The following CAPSL variants were observed in gnomAD, a reference collection of about 807,000 sequenced individuals.
CAPSL encodes the protein calcyphosine like, also known as calcyphosin-like protein.
CAPSL carries 17 observed loss-of-function variants against 21.3 expected under a neutral mutation model. The ratio of observed to expected loss-of-function variants is 0.80; its 90% CI spans 0.55 to 1.20. The LOEUF (loss-of-function observed/expected upper bound fraction) is 1.20. Ranked by LOEUF, CAPSL falls within the 50% of genes most tolerant of loss-of-function variation. The probability of loss-of-function intolerance (pLI) is 0.00; values close to 1 mark genes in which losing one functional copy is unlikely to be tolerated. For missense variants in CAPSL, 289 were observed against 259.3 expected (o/e 1.11, Z -0.79); for synonymous variants, 102 against 89.3 (o/e 1.14, Z -0.80).
chr5:35,925,373 G>A (rs541429232), intron 1 of CAPSL, among the ~76,000 whole-genome samples: 106 of 152,340 alleles, frequency 7.0e-4, no homozygotes, highest in Non-Finnish European at 1.3e-3. Context: ...GGCTGGGGAC[G>A]TGGGGATAGA....
intron 2 of CAPSL, among the ~76,000 whole-genome samples, chr5:35,913,866 C>T (rs1738298448): frequency 6.6e-6 from 1 of 152,118 alleles, no homozygotes; most frequent in Non-Finnish European, 1.5e-5. Flanking sequence ...CAATATTAAC[C>T]TGAAATGTAA....
Position 35,904,427 on chromosome 5 carries a change from G to A in CAPSL, c.*118C>T. On this transcript the variant is annotated 3_prime_UTR_variant, in exon 5 of 5. Coordinates refer to ENST00000651391, the MANE Select transcript of CAPSL (RefSeq NM_001042625.2). ...TTGGCCCCAGAAAATGCAATATTTTGACACAGAAAAAAACATTAGGATGAG... is the reference window on the plus strand; with the variant it reads ...TTGGCCCCAGAAAATGCAATATTTTAACACAGAAAAAAACATTAGGATGAG... 1.3e-6 allele frequency: 1 copy of A among 774,360 alleles called. No individual in the cohort carries two copies. Among genetic ancestry groups the A allele is most frequent in the Non-Finnish European group, 2.1e-6 (1 of 474,696 alleles). The allele number at this position is 774,360 out of a possible 1,614,324, so 48.0% of individuals were successfully genotyped here.
chr5:35,906,879 C>T (rs860416), intron 4 of CAPSL, among the ~76,000 whole-genome samples: 24,165 of 152,062 alleles, frequency 0.16, 3,023 homozygotes, highest in East Asian at 0.5. Context: ...AGTCAGATGA[C>T]GTCAAGCCAG....
At chr5:35,919,826 C>G (rs1738489899) in intron 2 of CAPSL, among the ~76,000 whole-genome samples, 1 of 152,094 alleles carries the variant, frequency 6.6e-6, no homozygotes, top group Non-Finnish European at 1.5e-5. Context: ...TAGACTGGTT[C>G]CCAGTGGAAA....
At position 35,904,355 on chromosome 5, in the gene CAPSL, G is replaced by A. The variant is rs1350648960; in HGVS notation, c.*190C>T. The A allele has an allele frequency of 1.7e-6, 1 of 598,506 alleles. No individual in the cohort carries two copies. The highest frequency in any genetic ancestry group is 3.0e-5 in the Admixed American group (1 of 33,044). 37.1% of individuals were successfully genotyped at this position (598,506 alleles called of 1,614,324 possible). On this transcript the variant is annotated 3_prime_UTR_variant, in exon 5 of 5. Coordinates refer to ENST00000651391, the MANE Select transcript of CAPSL (RefSeq NM_001042625.2). Reference sequence around the variant, plus strand: ...AACAAAGGAAACAGTCTTAGGCAAGGCAAACTCACAGTTGGCTACTCAATG... The same window carrying A: ...AACAAAGGAAACAGTCTTAGGCAAGACAAACTCACAGTTGGCTACTCAATG...
chr5:35,928,119 G>A (rs1395095302), intron 1 of CAPSL, among the ~76,000 whole-genome samples: 1 of 152,124 alleles, frequency 6.6e-6, no homozygotes, highest in Non-Finnish European at 1.5e-5. Context: ...CCTCCAGAGG[G>A]GATAAATGCT....
At chr5:35,937,634 C>A (rs538892777) in intron 1 of CAPSL, among the ~76,000 whole-genome samples, 1 of 152,308 alleles carries the variant, frequency 6.6e-6, no homozygotes, top group South Asian at 2.1e-4. Context: ...AGAGCTGTAT[C>A]CTTTGCATTT....
intron 4 of CAPSL, among the ~76,000 whole-genome samples, chr5:35,908,170 G>C (rs576548031): frequency 6.6e-6 from 1 of 152,162 alleles, no homozygotes; most frequent in East Asian, 1.9e-4. Flanking sequence ...ACAAATACAC[G>C]TGAGTGTAAG....
At chr5:35,912,929 G>T (rs1035461061) in intron 2 of CAPSL, among the ~76,000 whole-genome samples, 4 of 152,094 alleles carry the variant, frequency 2.6e-5, no homozygotes, top group South Asian at 2.1e-4. Flanking sequence ...GAGGAAGTTT[G>T]CACCCATGGC....
intron 1 of CAPSL, among the ~76,000 whole-genome samples, chr5:35,929,485 G>A (rs570081374): frequency 5.4e-4 from 82 of 152,078 alleles, no homozygotes; most frequent in African/African-American, 1.9e-3. Context: ...TAGAGATGGG[G>A]TTTCACCATG....
At chr5:35,917,794 C>A (rs1738431557) in intron 2 of CAPSL, among the ~76,000 whole-genome samples, 1 of 151,970 alleles carries the variant, frequency 6.6e-6, no homozygotes, top group Non-Finnish European at 1.5e-5. Flanking sequence ...TGCAGCACAC[C>A]AACATGGCAC....
rs142503427 is a variant in CAPSL, at chr5:35,936,191, G to A, written c.-1+2350C>T. On this transcript the variant is annotated intron_variant, in intron 1 of 4. Transcript: ENST00000651391. ...TCCTCCAAATCTATAAAAGTATAGC[G>A]CTCTAAGGGCATCCTGACTTCATCC... 2.5e-3 allele frequency among the ~76,000 whole-genome samples: 380 copies of A among 152,074 alleles called. 1 individual carries two copies. The highest frequency in any genetic ancestry group is 8.5e-3 in the African/African-American group (351 of 41,462).
At chr5:35,909,696 G>A (rs1445004632) in intron 4 of CAPSL, 170 bp downstream of exon 4, 4 of 618,920 alleles carry the variant, frequency 6.5e-6, no homozygotes, top group Admixed American at 3.3e-5. Context: ...GTAACATGAA[G>A]GTTTCCCCTG....
intron 2 of CAPSL, among the ~76,000 whole-genome samples, chr5:35,920,782 T>C (rs1266846133): frequency 5.3e-5 from 8 of 152,090 alleles, no homozygotes; most frequent in African/African-American, 1.7e-4. Context: ...CAGATATGAG[T>C]CTTGCCGAAT....
chr5:35,910,159 C>T (rs1471861964), intron 3 of CAPSL, 84 bp from the exon 4 acceptor site: 3 of 1,204,250 alleles, frequency 2.5e-6, no homozygotes, highest in African/African-American at 1.5e-5. Context: ...TATCTCATTC[C>T]CCTCAACGAT....
chr5:35,905,572 G>A (rs1425267984), intron 4 of CAPSL, among the ~76,000 whole-genome samples: 1 of 152,192 alleles, frequency 6.6e-6, no homozygotes, highest in Non-Finnish European at 1.5e-5. Context: ...GCTCATAGTT[G>A]AACTGTAAAT....
chr5:35,912,287 G>A (rs1479921475), intron 2 of CAPSL, among the ~76,000 whole-genome samples: 3 of 152,206 alleles, frequency 2.0e-5, no homozygotes, highest in East Asian at 1.9e-4. Flanking sequence ...TCTGGGGGCA[G>A]GGCATAGCCA....
In CAPSL at chr5:35,921,127, G is replaced by A. The variant is rs1165146264; in HGVS notation, c.1-7C>T. 6.2e-7 allele frequency: 1 copy of A among 1,613,460 alleles called. No individual in the cohort carries two copies. Among genetic ancestry groups the A allele is most frequent in the Admixed American group, 1.7e-5 (1 of 60,002 alleles). On this transcript the variant is annotated splice_region_variant and splice_polypyrimidine_tract_variant and intron_variant, in intron 1 of 4. Coordinates refer to ENST00000651391, the MANE Select transcript of CAPSL (RefSeq NM_001042625.2). ...GGCGCGCTGTCCCTGCCATCTGAGG[G>A]GAAGCCATAGCATGTTAGCAAAGTC...
At chr5:35,907,448 G>A (rs1029309513) in intron 4 of CAPSL, among the ~76,000 whole-genome samples, 12 of 152,234 alleles carry the variant, frequency 7.9e-5, no homozygotes, top group African/African-American at 2.6e-4. Context: ...TCAAAACTTA[G>A]ATATTAAAGA....
Sources: allele counts gnomAD v4.1 joint callset (sites outside exome capture counted in the v4.1 genomes callset), GRCh38; gene constraint gnomAD v4.1.1; transcripts MANE v1.5; gene names NCBI Gene and HGNC (gene_info 2026-07-23, HGNC 2026-07-21).